The following MPPED2 variants were observed in gnomAD, a reference collection of about 807,000 sequenced individuals.
MPPED2 encodes metallophosphoesterase domain containing 2, also known as metallophosphoesterase MPPED2.
A neutral mutation model predicts 33.0 loss-of-function variants in MPPED2; 5 were observed. That is an observed-to-expected ratio of 0.15 (90% CI 0.08 to 0.32). The LOEUF (loss-of-function observed/expected upper bound fraction) is 0.32. MPPED2 is among the 10% of genes least tolerant of loss of function. MPPED2 has a pLI of 1.00. For synonymous variants in MPPED2, 136 were observed against 141.9 expected, an observed-to-expected ratio of 0.96 and a Z score of 0.29; for missense variants, 275 against 372.1, an observed-to-expected ratio of 0.74 and a Z score of 2.15.
At chr11:30,399,619 G>A (rs953676920) in intron 6 of MPPED2, among the ~76,000 whole-genome samples, 2 of 152,090 alleles carry the variant, frequency 1.3e-5, no homozygotes, top group African/African-American at 2.4e-5. Flanking sequence ...TGTGTAAATG[G>A]ACAATGGGTG....
intron 2 of MPPED2, among the ~76,000 whole-genome samples, chr11:30,573,278 G>A (rs1956784126): frequency 6.6e-6 from 1 of 152,146 alleles, no homozygotes; most frequent in Non-Finnish European, 1.5e-5. Flanking sequence ...TGATACTGGT[G>A]TAAACAAACC....
chr11:30,521,133 A>G (rs1381184451), intron 3 of MPPED2, among the ~76,000 whole-genome samples: 2 of 152,162 alleles, frequency 1.3e-5, no homozygotes, highest in African/African-American at 4.8e-5. Flanking sequence ...GTAATTTATG[A>G]ATTTGGGGGG....
intron 3 of MPPED2, among the ~76,000 whole-genome samples, chr11:30,519,533 T>A (rs1397253215): frequency 6.6e-6 from 1 of 151,850 alleles, no homozygotes; most frequent in African/African-American, 2.4e-5. Flanking sequence ...TATATATGAG[T>A]GTAAAATCAT....
intron 3 of MPPED2, among the ~76,000 whole-genome samples, chr11:30,526,205 G>A (rs1217654000): frequency 6.6e-6 from 1 of 152,068 alleles, no homozygotes; most frequent in African/African-American, 2.4e-5. Flanking sequence ...CTCTTATCCT[G>A]TACTATTACA....
At chr11:30,409,569 G>T (rs1307146270), downstream of MPPED2, among the ~76,000 whole-genome samples, 1 of 152,208 alleles carries the variant, frequency 6.6e-6, no homozygotes, top group Non-Finnish European at 1.5e-5. Flanking sequence ...TGCTGGTACT[G>T]AAATCAAGAA....
chr11:30,545,808 C>T (rs1380943429), intron 2 of MPPED2, among the ~76,000 whole-genome samples: 1 of 152,176 alleles, frequency 6.6e-6, no homozygotes, highest in East Asian at 1.9e-4. Flanking sequence ...ACACAGAGAT[C>T]TAAGAGCAGA....
rs114885985 is a variant in MPPED2, at chr11:30,512,129, G to T, written c.311-16608C>A. 3.7e-3 allele frequency among the ~76,000 whole-genome samples: 568 copies of T among 152,292 alleles called. 7 individuals carry two copies. The highest frequency in any genetic ancestry group is 0.013 in the African/African-American group (546 of 41,544). On this transcript the variant is annotated intron_variant, in intron 3 of 6. Coordinates refer to ENST00000358117, the MANE Select transcript of MPPED2 (RefSeq NM_001584.3). ...ACACCAAATAGGCAGTAGTAACGGT[G>T]TCCTATGAGAACTCTATTGTCATTG... is the stretch of plus-strand genomic sequence containing the variant.
intron 6 of MPPED2, among the ~76,000 whole-genome samples, chr11:30,413,124 G>A (rs1398556166): frequency 6.6e-6 from 1 of 152,308 alleles, no homozygotes; most frequent in South Asian, 2.1e-4. Context: ...CCTGCCCTTG[G>A]AGCAAACTGA....
intron 3 of MPPED2, among the ~76,000 whole-genome samples, chr11:30,525,291 C>G (rs1410463562): frequency 6.6e-6 from 1 of 152,208 alleles, no homozygotes; most frequent in African/African-American, 2.4e-5. Context: ...AGGATGAAGT[C>G]TCTTCATGTG....
intron 3 of MPPED2, among the ~76,000 whole-genome samples, chr11:30,517,984 GAAC>G (rs1953629287): frequency 6.6e-6 from 1 of 151,930 alleles, no homozygotes; most frequent in South Asian, 2.1e-4. Flanking sequence ...ACTGACTTGT[GAAC>G]AACAAATTCA....
chr11:30,574,531 T>C (rs1956839086), intron 2 of MPPED2, among the ~76,000 whole-genome samples: 1 of 152,192 alleles, frequency 6.6e-6, no homozygotes, highest in African/African-American at 2.4e-5. Flanking sequence ...AAATTTCCAA[T>C]CAGTTATAAG....
Position 30,580,360 on chromosome 11 carries a change from AT to A in MPPED2, c.13del (p.Ile5PhefsTer9), listed in dbSNP as rs1439400865. 3.1e-6 allele frequency: 5 copies of A among 1,614,140 alleles called. No homozygotes were observed. Among genetic ancestry groups the A allele is most frequent in the Non-Finnish European group, 8.5e-7 (1 of 1,180,006 alleles). MAHGIPSQGKVTITV... is the reference protein window; with the variant it reads MAHGXPSQGKVTITV... ...TATGGTAACTTTGCCTTGAGAAGGA[AT>A]CCCATGTGCCATCCTTCCTCCCTAT... is the stretch of plus-strand genomic sequence containing the variant. On this transcript the variant is annotated frameshift_variant, in exon 2 of 7. Coordinates refer to ENST00000358117, the MANE Select transcript of MPPED2 (RefSeq NM_001584.3). LOFTEE classifies it high-confidence loss of function.
exon 7 of MPPED2, chr11:30,385,669 T>G (rs551171309): frequency 6.6e-6 from 1 of 152,078 alleles, no homozygotes; most frequent in East Asian, 1.9e-4. Context: ...TCCCCTATCT[T>G]TCTCCTTACC....
chr11:30,416,323 T>A (rs891750185), intron 5 of MPPED2, among the ~76,000 whole-genome samples: 1 of 152,286 alleles, frequency 6.6e-6, no homozygotes, highest in African/African-American at 2.4e-5. Context: ...GGTGCTCACT[T>A]CCACTGTTTC....
intron 4 of MPPED2, among the ~76,000 whole-genome samples, chr11:30,429,754 C>T (rs562608159): frequency 4.6e-5 from 7 of 152,280 alleles, no homozygotes; most frequent in African/African-American, 1.4e-4. Context: ...CATATCTCTG[C>T]CCATTAAAAT....
intron 3 of MPPED2, among the ~76,000 whole-genome samples, chr11:30,523,113 C>T (rs923737515): frequency 4.6e-5 from 7 of 151,594 alleles, no homozygotes; most frequent in African/African-American, 1.5e-4. Context: ...AAGACTTTCA[C>T]GCAAAACCAA....
chr11:30,485,506 C>T (rs1194106341), intron 4 of MPPED2, among the ~76,000 whole-genome samples: 2 of 53,484 alleles, frequency 3.7e-5, no homozygotes, highest in Non-Finnish European at 6.2e-5. Context: ...AAGTGAGAGC[C>T]AAGCTTATTG....
chr11:30,472,360 CG>C (rs1565101271), intron 4 of MPPED2, among the ~76,000 whole-genome samples: 1 of 146,930 alleles, frequency 6.8e-6, no homozygotes, highest in Non-Finnish European at 1.5e-5. Flanking sequence ...GGGCCTGTCT[CG>C]AATAATAATA....
chr11:30,569,123 G>A (rs891207472), intron 2 of MPPED2, among the ~76,000 whole-genome samples: 4 of 152,180 alleles, frequency 2.6e-5, no homozygotes, highest in East Asian at 1.9e-4. Context: ...ACAGTGGAGC[G>A]TGCCGACAGC....
Sources: allele counts gnomAD v4.1 joint callset (sites outside exome capture counted in the v4.1 genomes callset), GRCh38; gene constraint gnomAD v4.1.1; transcripts MANE v1.5; gene names NCBI Gene and HGNC (gene_info 2026-07-23, HGNC 2026-07-21).